The following CCDC178 variants were observed in gnomAD, a reference collection of about 807,000 sequenced individuals.
CCDC178 encodes coiled-coil domain-containing protein 178.
Under a neutral mutation model 117.4 loss-of-function variants are expected in CCDC178, and 126 were observed. The observed-to-expected ratio is 1.07, with a 90% CI of 0.93 to 1.24. The LOEUF is 1.24. Among genes scored for constraint, CCDC178 ranks in the 50% most tolerant of loss-of-function variants. The pLI, the probability that CCDC178 is intolerant of heterozygous loss-of-function variation, is 0.00. For synonymous variants in CCDC178, 283 were observed against 313.4 expected (o/e 0.90, Z 1.02); for missense variants, 1,030 against 986.9 (o/e 1.04, Z -0.59).
chr18:32,975,995 G>A (rs2055020896), intron 21 of CCDC178, among the ~76,000 whole-genome samples: 1 of 152,012 alleles, frequency 6.6e-6, no homozygotes, highest in Non-Finnish European at 1.5e-5. Context: ...ATTATGCATT[G>A]TTATAAATAA....
chr18:33,422,267 T>C (rs945383931), intron 2 of CCDC178, among the ~76,000 whole-genome samples: 1 of 152,196 alleles, frequency 6.6e-6, no homozygotes, highest in African/African-American at 2.4e-5. Context: ...GAAATGCTTT[T>C]TTTCCCCAAT....
rs539830637 is a variant in CCDC178 at position 33,374,671 on chromosome 18, G to A, written c.209-4482C>T. Among the ~76,000 whole-genome samples, 4 of 152,176 alleles carry A rather than the reference G, an allele frequency of 2.6e-5. No homozygotes were observed. In the South Asian group the frequency reaches 6.2e-4, roughly 24 times the overall value. On this transcript the variant is annotated intron_variant, in intron 5 of 22. Transcript: ENST00000383096. ...TAAAAATATGTCCACAAAAAGAATT[G>A]TAGGTGAATGTTCATAATAGCTTTC...
chr18:33,198,090 G>A (rs768663918), intron 20 of CCDC178, among the ~76,000 whole-genome samples: 8 of 152,160 alleles, frequency 5.3e-5, no homozygotes, highest in Non-Finnish European at 8.8e-5. Flanking sequence ...GGGCTACCTG[G>A]GTAATGTTAA....
chr18:33,197,800 T>G (rs1158989811), intron 20 of CCDC178, among the ~76,000 whole-genome samples: 1 of 152,202 alleles, frequency 6.6e-6, no homozygotes, highest in African/African-American at 2.4e-5. Context: ...CTACTAATTT[T>G]TTTTGCTTTG....
intron 11 of CCDC178, among the ~76,000 whole-genome samples, chr18:33,296,341 G>A (rs185155423): frequency 2.6e-3 from 400 of 151,906 alleles, no homozygotes; most frequent in Middle Eastern, 0.021. Context: ...TATTCTGATC[G>A]TAGTGGTAGT....
At chr18:33,139,091 G>A (rs914643169) in intron 20 of CCDC178, among the ~76,000 whole-genome samples, 5 of 152,170 alleles carry the variant, frequency 3.3e-5, no homozygotes, top group African/African-American at 9.7e-5. Context: ...AGTCTCATGA[G>A]ATCTGATGAT....
rs149679276 is a variant in CCDC178 at position 33,165,857 on chromosome 18, G to A, written c.2238+46039C>T. ...CACAAAGAATATGTACTAAAGTGTTGAGATTTAATGCAATTAATATCAATT... is the reference window on the plus strand; with the variant it reads ...CACAAAGAATATGTACTAAAGTGTTAAGATTTAATGCAATTAATATCAATT... On this transcript the variant is annotated intron_variant, in intron 20 of 22. Transcript: ENST00000383096. Among the ~76,000 whole-genome samples, 840 of 152,226 alleles carry A rather than the reference G, an allele frequency of 5.5e-3. 8 individuals carry two copies. The highest frequency in any genetic ancestry group is 0.024 in the Middle Eastern group (7 of 294).
chr18:32,965,226 G>C (rs2054787361), intron 22 of CCDC178, among the ~76,000 whole-genome samples: 1 of 151,910 alleles, frequency 6.6e-6, no homozygotes, highest in Non-Finnish European at 1.5e-5. Context: ...AAAATTCTGT[G>C]TCAGTAAGTG....
At chr18:33,415,651 C>A (rs1263736134) in intron 2 of CCDC178, among the ~76,000 whole-genome samples, 1 of 152,012 alleles carries the variant, frequency 6.6e-6, no homozygotes, top group African/African-American at 2.4e-5. Context: ...ACATATGTAA[C>A]AAACCTGCAC....
chr18:33,200,265 C>T (rs271533), intron 20 of CCDC178, among the ~76,000 whole-genome samples: 13,442 of 152,244 alleles, frequency 0.088, 717 homozygotes, highest in African/African-American at 0.15. Flanking sequence ...GGAGAGGCTT[C>T]TAAGCCTAAT....
intron 21 of CCDC178, among the ~76,000 whole-genome samples, chr18:33,036,682 G>T (rs1423949735): frequency 6.6e-6 from 1 of 151,972 alleles, no homozygotes; most frequent in Non-Finnish European, 1.5e-5. Context: ...ACAGTGTAAA[G>T]ATGGATGACA....
intron 3 of CCDC178, among the ~76,000 whole-genome samples, chr18:33,407,578 A>T (rs1322353256): frequency 6.6e-6 from 1 of 152,132 alleles, no homozygotes; most frequent in Non-Finnish European, 1.5e-5. Context: ...CAGAAGAAAC[A>T]AAAACAGTAT....
At chr18:33,421,132 A>G (rs1468596536) in intron 2 of CCDC178, among the ~76,000 whole-genome samples, 1 of 152,188 alleles carries the variant, frequency 6.6e-6, no homozygotes, top group Non-Finnish European at 1.5e-5. Context: ...TTTAGGGAAG[A>G]GTTTCCAGGC....
At chr18:33,113,650 G>A (rs2057813494) in intron 20 of CCDC178, among the ~76,000 whole-genome samples, 2 of 152,116 alleles carry the variant, frequency 1.3e-5, no homozygotes, top group African/African-American at 4.8e-5. Context: ...CCGATCACCA[G>A]CTGGGGTGAA....
chr18:33,345,844 A>G (rs984377318), intron 9 of CCDC178, among the ~76,000 whole-genome samples: 16 of 152,108 alleles, frequency 1.1e-4, no homozygotes, highest in Non-Finnish European at 2.4e-4. Context: ...TGGTCACTCT[A>G]AACAGGTGAT....
intron 21 of CCDC178, among the ~76,000 whole-genome samples, chr18:33,033,211 T>G (rs2144867238): frequency 6.6e-6 from 1 of 152,176 alleles, no homozygotes; most frequent in South Asian, 2.1e-4. Context: ...TTGGAGAGGG[T>G]CCTTGAAAAA....
At chr18:33,294,079 G>C (rs918395658) in intron 11 of CCDC178, among the ~76,000 whole-genome samples, 1 of 151,986 alleles carries the variant, frequency 6.6e-6, no homozygotes, top group Non-Finnish European at 1.5e-5. Context: ...GAAAACACAG[G>C]GCTTTTTAAA....
intron 22 of CCDC178, among the ~76,000 whole-genome samples, chr18:32,957,277 C>T (rs2054614862): frequency 6.6e-6 from 1 of 152,148 alleles, no homozygotes; most frequent in Non-Finnish European, 1.5e-5. Context: ...GTTTAAAAGC[C>T]TAGGAGATAA....
At chr18:33,156,741 G>GA (rs2058403741) in intron 20 of CCDC178, among the ~76,000 whole-genome samples, 2 of 152,064 alleles carry the variant, frequency 1.3e-5, no homozygotes, top group African/African-American at 4.8e-5. Context: ...GCAAGAGCTG[G>GA]AGTTGTGGGG....
Sources: allele counts gnomAD v4.1 joint callset (sites outside exome capture counted in the v4.1 genomes callset), GRCh38; gene constraint gnomAD v4.1.1; transcripts MANE v1.5; gene names NCBI Gene and HGNC (gene_info 2026-07-23, HGNC 2026-07-21).